Variants in MYO16 observed in about 807,000 individuals in gnomAD.
MYO16 encodes myosin XVI.
Under a neutral mutation model 205.3 loss-of-function variants are expected in MYO16, and 94 were observed. The observed-to-expected ratio is 0.46, with a 90% CI of 0.39 to 0.54. The LOEUF (loss-of-function observed/expected upper bound fraction) is 0.54. MYO16 is among the 20% of genes least tolerant of loss of function. MYO16 has a pLI of 0.00. For missense variants in MYO16, 2,315 were observed against 2,387.5 expected (o/e 0.97, Z 0.63); for synonymous variants, 988 against 954.0 (o/e 1.04, Z -0.66).
the MYO16 span, among the ~76,000 whole-genome samples, chr13:108,526,804 C>T: frequency 6.6e-6 from 1 of 152,114 alleles, no homozygotes; most frequent in Non-Finnish European, 1.5e-5. Flanking sequence ...TTCTGTTGGT[C>T]ACTACATCTG....
chr13:109,133,086 G>A (rs1876614910), intron 31 of MYO16, among the ~76,000 whole-genome samples: 3 of 152,188 alleles, frequency 2.0e-5, no homozygotes, highest in Non-Finnish European at 4.4e-5. Flanking sequence ...CTCCCACCAG[G>A]AAAGAAAAGT....
At chr13:109,139,210 C>A (rs1876918824) in intron 31 of MYO16, among the ~76,000 whole-genome samples, 1 of 152,210 alleles carries the variant, frequency 6.6e-6, no homozygotes, top group Non-Finnish European at 1.5e-5. Context: ...ACCTCGGCTT[C>A]CCAAAGAGCT....
chr13:108,755,301 A>C (rs1010732598), intron 4 of MYO16, among the ~76,000 whole-genome samples: 1 of 152,188 alleles, frequency 6.6e-6, no homozygotes. Context: ...TGCACCACAC[A>C]TGATCTAGAG....
chr13:108,520,933 G>A, the MYO16 span, among the ~76,000 whole-genome samples: 1 of 152,186 alleles, frequency 6.6e-6, no homozygotes, highest in African/African-American at 2.4e-5. Flanking sequence ...TGCAATGGGT[G>A]ATTCCCATCT....
intron 28 of MYO16, among the ~76,000 whole-genome samples, chr13:109,104,321 C>G (rs1889058742): frequency 6.6e-6 from 1 of 152,192 alleles, no homozygotes; most frequent in African/African-American, 2.4e-5. Flanking sequence ...TTCATCTGAG[C>G]AGCCTGCCCC....
At chr13:109,124,590 G>C (rs1427193622) in intron 29 of MYO16, among the ~76,000 whole-genome samples, 1 of 152,156 alleles carries the variant, frequency 6.6e-6, no homozygotes, top group Non-Finnish European at 1.5e-5. Context: ...TCCTTTCCCA[G>C]AGAGCAGGAT....
At chr13:108,955,728 G>A (rs1262045018) in intron 16 of MYO16, among the ~76,000 whole-genome samples, 1 of 152,150 alleles carries the variant, frequency 6.6e-6, no homozygotes, top group East Asian at 1.9e-4. Flanking sequence ...GCAGGCGCCT[G>A]TAATCCCAGC....
intron 16 of MYO16, among the ~76,000 whole-genome samples, chr13:108,934,256 A>G (rs1182928514): frequency 1.3e-5 from 2 of 151,928 alleles, no homozygotes; most frequent in Non-Finnish European, 2.9e-5. Flanking sequence ...ACCAATGTCT[A>G]TTGTTTTTTG....
chr13:108,605,602 T>C (rs9559376), intron 1 of MYO16, among the ~76,000 whole-genome samples: 2,618 of 152,282 alleles, frequency 0.017, 99 homozygotes, highest in East Asian at 0.062. Flanking sequence ...CATGCCATCA[T>C]GTGAAGAAGG....
chr13:108,979,378 G>A (rs1463232950), intron 20 of MYO16, among the ~76,000 whole-genome samples: 1 of 151,710 alleles, frequency 6.6e-6, no homozygotes, highest in Non-Finnish European at 1.5e-5. Context: ...TGCTTCCTTT[G>A]TTGTTTAGTT....
chr13:109,160,619 C>A (rs1481017837), intron 32 of MYO16, among the ~76,000 whole-genome samples: 2 of 152,172 alleles, frequency 1.3e-5, no homozygotes, highest in Non-Finnish European at 2.9e-5. Context: ...GTCTCAGACA[C>A]ACCTTTAAAT....
intron 2 of MYO16, among the ~76,000 whole-genome samples, chr13:108,704,307 A>G (rs1441453528): frequency 6.6e-6 from 1 of 152,218 alleles, no homozygotes; most frequent in Non-Finnish European, 1.5e-5. Flanking sequence ...TAAAAGATGT[A>G]AGGTATAACT....
At chr13:108,846,272 C>T (rs1288364535) in intron 10 of MYO16, among the ~76,000 whole-genome samples, 2 of 152,076 alleles carry the variant, frequency 1.3e-5, no homozygotes, top group African/African-American at 4.8e-5. Flanking sequence ...ATTTAAGACT[C>T]AAATTAGTTT....
At chr13:108,645,510 TCTCCTTCCACCAAC>T (rs542082207) in intron 1 of MYO16, among the ~76,000 whole-genome samples, 209 of 152,172 alleles carry the variant, frequency 1.4e-3, no homozygotes, top group African/African-American at 4.5e-3. Context: ...TGTGCCCCGA[TCTCCTTCCACCAAC>T]CTCCTTCCAC....
rs112662525 is a variant in MYO16 at position 109,074,544 on chromosome 13, C to G, written c.3335+18949C>G. Among the ~76,000 whole-genome samples the G allele has an allele frequency of 3.6e-3, 548 of 152,242 alleles. 4 individuals are homozygous for G. The highest frequency in any genetic ancestry group is 0.012 in the African/African-American group (496 of 41,540). ...AGCCCTCAGATCTTGTGAGAACTCT[C>G]TATCACGAGAACAGCATGGGGGAAC... On this transcript the variant is annotated intron_variant, in intron 27 of 34. Coordinates refer to ENST00000457511, the MANE Select transcript of MYO16 (RefSeq NM_001198950.3).
upstream of MYO16, among the ~76,000 whole-genome samples, chr13:108,593,350 T>C (rs1332957985): frequency 6.6e-6 from 1 of 152,060 alleles, no homozygotes; most frequent in African/African-American, 2.4e-5. Flanking sequence ...GTTGGGTCAA[T>C]CCAACAGAAC....
intron 28 of MYO16, among the ~76,000 whole-genome samples, chr13:109,118,149 C>A (rs1875815059): frequency 6.6e-6 from 1 of 152,160 alleles, no homozygotes; most frequent in Non-Finnish European, 1.5e-5. Context: ...TCTTACTGAA[C>A]CCTGCCTGAT....
intron 27 of MYO16, among the ~76,000 whole-genome samples, chr13:109,069,522 A>T (rs1408281852): frequency 6.6e-6 from 1 of 152,030 alleles, no homozygotes; most frequent in Non-Finnish European, 1.5e-5. Flanking sequence ...CTGGAGGCTA[A>T]AAGTCCAAGA....
At chr13:108,500,353 C>A in the MYO16 span, among the ~76,000 whole-genome samples, 9 of 151,216 alleles carry the variant, frequency 6.0e-5, no homozygotes, top group Admixed American at 5.9e-4. Flanking sequence ...CCTCAGCCTC[C>A]CGAGTAGCTG....
Sources: gnomAD v4.1 joint callset for allele counts (sites outside exome capture counted in the v4.1 genomes callset) on GRCh38, gnomAD v4.1.1 for gene constraint, MANE v1.5 for transcripts, NCBI Gene and HGNC (gene_info 2026-07-23, HGNC 2026-07-21) for gene names.